LTBP1: variants seen among roughly 807,000 people sequenced by gnomAD.
The protein encoded by LTBP1 is latent-transforming growth factor beta-binding protein 1.
Under a neutral mutation model 207.6 loss-of-function variants are expected in LTBP1, and 129 were observed. The observed-to-expected ratio is 0.62, with a 90% CI of 0.54 to 0.72. LTBP1 has a LOEUF of 0.72. LTBP1 is among the 30% of genes least tolerant of loss of function. The pLI, the probability that LTBP1 is intolerant of heterozygous loss-of-function variation, is 0.00. For synonymous variants in LTBP1, 963 were observed against 833.7 expected, an observed-to-expected ratio of 1.16 and a Z score of -2.67; for missense variants, 2,281 against 2,217.2, an observed-to-expected ratio of 1.03 and a Z score of -0.58.
intron 5 of LTBP1, among the ~76,000 whole-genome samples, chr2:33,149,170 G>A (rs551985889): frequency 8.3e-5 from 12 of 144,272 alleles, no homozygotes; most frequent in Middle Eastern, 8.1e-3. Flanking sequence ...AGCCGAGATC[G>A]TGCCACTGCA....
At chr2:33,294,599 GAC>G (rs1415298928) in intron 20 of LTBP1, among the ~76,000 whole-genome samples, 2 of 132,950 alleles carry the variant, frequency 1.5e-5, no homozygotes, top group African/African-American at 5.8e-5. Flanking sequence ...TTTTTTTGGA[GAC>G]AGAGTCTTGC....
intron 22 of LTBP1, among the ~76,000 whole-genome samples, chr2:33,303,314 C>G: frequency 6.6e-6 from 1 of 151,086 alleles, no homozygotes; most frequent in Non-Finnish European, 1.5e-5. Flanking sequence ...CAGGATGAAA[C>G]TGTCCCACCT....
At chr2:33,372,167 T>TACCAGA (rs1458990554) in intron 31 of LTBP1, among the ~76,000 whole-genome samples, 3 of 152,174 alleles carry the variant, frequency 2.0e-5, no homozygotes, top group Admixed American at 6.5e-5. Context: ...AGTGGTCACG[T>TACCAGA]ACCAGTAAGT....
chr2:33,013,402 T>C (rs1687934001), intron 2 of LTBP1, among the ~76,000 whole-genome samples: 1 of 152,100 alleles, frequency 6.6e-6, no homozygotes, highest in Non-Finnish European at 1.5e-5. Context: ...TTTCATTTTT[T>C]GATTTTGGTC....
intron 26 of LTBP1, among the ~76,000 whole-genome samples, chr2:33,353,281 T>C (rs1340727420): frequency 1.3e-5 from 2 of 152,154 alleles, no homozygotes; most frequent in Non-Finnish European, 1.5e-5. Context: ...GCCCGTCTTC[T>C]TGTTGGCCTT....
intron 2 of LTBP1, among the ~76,000 whole-genome samples, chr2:32,973,823 A>G (rs1681300305): frequency 6.6e-6 from 1 of 152,154 alleles, no homozygotes; most frequent in South Asian, 2.1e-4. Flanking sequence ...TTTAGACACC[A>G]CAAATAACTG....
At chr2:33,129,700 A>T (rs573074459) in intron 4 of LTBP1, among the ~76,000 whole-genome samples, 14 of 152,192 alleles carry the variant, frequency 9.2e-5, no homozygotes, top group Non-Finnish European at 2.1e-4. Flanking sequence ...TAGGGGAAAA[A>T]TGTCTTTTGT....
chr2:32,998,317 A>T (rs1685592588), intron 2 of LTBP1, among the ~76,000 whole-genome samples: 2 of 151,952 alleles, frequency 1.3e-5, no homozygotes, highest in African/African-American at 4.8e-5. Flanking sequence ...GGAGATCGAG[A>T]CCATCCTGGC....
intron 22 of LTBP1, among the ~76,000 whole-genome samples, chr2:33,304,250 A>G (rs1165621372): frequency 6.6e-6 from 1 of 152,126 alleles, no homozygotes; most frequent in Non-Finnish European, 1.5e-5. Flanking sequence ...CCATCCAACT[A>G]ATTTAGAGCT....
At chr2:33,039,370 C>T (rs1214993742) in intron 3 of LTBP1, among the ~76,000 whole-genome samples, 2 of 151,456 alleles carry the variant, frequency 1.3e-5, no homozygotes, top group Non-Finnish European at 2.9e-5. Context: ...ATTTTTTAAG[C>T]TGTAAATACT....
intron 9 of LTBP1, among the ~76,000 whole-genome samples, chr2:33,236,779 A>G (rs1437086372): frequency 1.3e-5 from 2 of 152,250 alleles, no homozygotes; most frequent in African/African-American, 4.8e-5. Context: ...TCTGTAGACT[A>G]CAGTCATGAA....
chr2:33,058,974 A>G (rs774793434), intron 3 of LTBP1, among the ~76,000 whole-genome samples: 4 of 152,200 alleles, frequency 2.6e-5, no homozygotes, highest in Admixed American at 2.0e-4. Flanking sequence ...GTGGGCATTT[A>G]TCTTGTTATT....
intron 31 of LTBP1, 59 bp from the exon 32 acceptor site, chr2:33,389,125 G>A (rs757096466): frequency 6.2e-7 from 1 of 1,609,416 alleles, no homozygotes; most frequent in South Asian, 1.1e-5. Flanking sequence ...AGCTGCGAGG[G>A]GGTGGGGCAG....
Position 33,262,784 on chromosome 2 carries a change from A to G in LTBP1, c.2481A>G (p.Pro827=), listed in dbSNP as rs774298249. 65 of 1,607,092 alleles carry G rather than the reference A, an allele frequency of 4.0e-5. No individual in the cohort carries two copies. The highest frequency in any genetic ancestry group is 5.1e-5 in the Non-Finnish European group (60 of 1,175,772). ...AGCCTGGTCAACCCCAGCTGTCTCC[A>G]GGCATTTCCACTATTCATCTGCATC... ...KLEPGQPQLS[P]GISTIHLHPQ... Residue 827 remains proline, a synonymous_variant, in exon 14 of 34, where the codon CCA becomes CCG. Coordinates refer to ENST00000404816, the MANE Select transcript of LTBP1 (RefSeq NM_206943.4).
intron 12 of LTBP1, among the ~76,000 whole-genome samples, chr2:33,258,450 A>G (rs2147893677): frequency 6.6e-6 from 1 of 152,262 alleles, no homozygotes; most frequent in South Asian, 2.1e-4. Flanking sequence ...TTGGTGAGGC[A>G]GGCTTTTTTT....
At chr2:33,322,979 C>T (rs1229186246) in intron 24 of LTBP1, among the ~76,000 whole-genome samples, 1 of 152,148 alleles carries the variant, frequency 6.6e-6, no homozygotes, top group Non-Finnish European at 1.5e-5. Flanking sequence ...GACTTTAAGG[C>T]CAGTGAGATC....
intron 2 of LTBP1, among the ~76,000 whole-genome samples, chr2:33,006,758 C>G (rs540251192): frequency 7.0e-6 from 1 of 142,402 alleles, no homozygotes; most frequent in Admixed American, 7.6e-5. Context: ...TTCCTTTCAG[C>G]TATTCCCTGA....
chr2:33,006,419 T>C (rs1257025575), intron 2 of LTBP1, among the ~76,000 whole-genome samples: 1 of 145,864 alleles, frequency 6.9e-6, no homozygotes, highest in African/African-American at 2.6e-5. Flanking sequence ...AGTCTTGCTC[T>C]ATCACCCAGG....
chr2:33,110,933 A>G (rs2080365277), intron 4 of LTBP1, among the ~76,000 whole-genome samples, 182 bp downstream of exon 4: 1 of 152,196 alleles, frequency 6.6e-6, no homozygotes. Context: ...TATTCTGAGG[A>G]AAAGCAGTTT....
Sources: gnomAD v4.1 joint callset for allele counts (sites outside exome capture counted in the v4.1 genomes callset) on GRCh38, gnomAD v4.1.1 for gene constraint, MANE v1.5 for transcripts, NCBI Gene and HGNC (gene_info 2026-07-23, HGNC 2026-07-21) for gene names.